RALB: variants seen among roughly 807,000 people sequenced by gnomAD.
The protein encoded by RALB is RAS like proto-oncogene B.
Under a neutral mutation model 21.3 loss-of-function variants are expected in RALB, and 16 were observed. The ratio of observed to expected loss-of-function variants is 0.75; its 90% CI spans 0.51 to 1.14. The LOEUF (loss-of-function observed/expected upper bound fraction) is 1.14, where lower values mean the gene tolerates loss of function less well. Ranked by LOEUF, RALB falls within the 50% of genes most tolerant of loss-of-function variation. The probability of loss-of-function intolerance (pLI) is 0.00; values close to 1 mark genes in which losing one functional copy is unlikely to be tolerated. For missense variants in RALB, 161 were observed against 256.2 expected (o/e 0.63, Z 2.54); for synonymous variants, 93 against 96.1 (o/e 0.97, Z 0.19).
chr2:120,274,059 C>T (rs878906173), intron 1 of RALB, among the ~76,000 whole-genome samples: 1 of 152,052 alleles, frequency 6.6e-6, no homozygotes, highest in Non-Finnish European at 1.5e-5. Flanking sequence ...TGCAAGGATC[C>T]CCCCCAACCT....
At chr2:120,252,373 C>T (rs867635568), upstream of RALB, among the ~76,000 whole-genome samples, 40 of 152,374 alleles carry the variant, frequency 2.6e-4, 3 homozygotes, top group South Asian at 6.4e-3. Flanking sequence ...GGTGGAGTCC[C>T]GCCCCAAGAC....
intron 3 of RALB, among the ~76,000 whole-genome samples, chr2:120,287,356 G>C (rs1690191963): frequency 6.6e-6 from 1 of 152,242 alleles, no homozygotes; most frequent in South Asian, 2.1e-4. Context: ...GTGTGGTGCA[G>C]TGACTAGTTA....
intron 1 of RALB, among the ~76,000 whole-genome samples, chr2:120,270,539 A>G (rs1346261848): frequency 6.6e-6 from 1 of 152,248 alleles, no homozygotes; most frequent in Non-Finnish European, 1.5e-5. Context: ...AGAACCCAAA[A>G]TAGGTCGTTT....
At chr2:120,268,697 C>A (rs2104610700) in intron 1 of RALB, among the ~76,000 whole-genome samples, 1 of 152,302 alleles carries the variant, frequency 6.6e-6, no homozygotes, top group East Asian at 1.9e-4. Context: ...AAGATCCACT[C>A]AGTGTTCAGA....
At chr2:120,284,591 G>C (rs1690078879) in intron 2 of RALB, among the ~76,000 whole-genome samples, 1 of 152,112 alleles carries the variant, frequency 6.6e-6, no homozygotes, top group African/African-American at 2.4e-5. Context: ...GTAGAGATGG[G>C]TTTTCACCAT....
intron 1 of RALB, among the ~76,000 whole-genome samples, chr2:120,241,823 A>G (rs1688900500): frequency 6.6e-6 from 1 of 152,238 alleles, no homozygotes. Flanking sequence ...GCGGGTGGGA[A>G]TGCGTAATGG....
intron 1 of RALB, among the ~76,000 whole-genome samples, chr2:120,255,567 C>T: frequency 6.6e-6 from 1 of 152,088 alleles, no homozygotes; most frequent in East Asian, 1.9e-4. Flanking sequence ...TTCCAAAAAG[C>T]AGAGGGGCCA....
At chr2:120,289,837 G>T in intron 4 of RALB, 80 bp downstream of exon 4, 1 of 1,353,242 alleles carries the variant, frequency 7.4e-7, no homozygotes, top group South Asian at 1.6e-5. Flanking sequence ...CTGGGTTTTA[G>T]GGAACCATTT....
At chr2:120,282,152 G>A (rs1690004775) in intron 2 of RALB, among the ~76,000 whole-genome samples, 1 of 152,174 alleles carries the variant, frequency 6.6e-6, no homozygotes, top group South Asian at 2.1e-4. Context: ...TGATTGAGAG[G>A]CCCTGGGTTG....
At chr2:120,265,736 ACT>A (rs998838581) in intron 1 of RALB, among the ~76,000 whole-genome samples, 7 of 152,006 alleles carry the variant, frequency 4.6e-5, no homozygotes, top group Non-Finnish European at 8.8e-5. Flanking sequence ...AATCATACAA[ACT>A]CTGTTTGAGT....
intron 4 of RALB, among the ~76,000 whole-genome samples, chr2:120,292,024 T>C (rs1263482593): frequency 6.6e-6 from 1 of 152,240 alleles, no homozygotes; most frequent in African/African-American, 2.4e-5. Flanking sequence ...AAATCTCAAA[T>C]GTCTCTTCGT....
At chr2:120,258,961 C>T (rs376976089) in intron 1 of RALB, among the ~76,000 whole-genome samples, 4 of 151,720 alleles carry the variant, frequency 2.6e-5, no homozygotes, top group African/African-American at 7.3e-5. Flanking sequence ...CTGGTGGGTT[C>T]GTGGTCTCGC....
chr2:120,280,976 G>C, intron 2 of RALB: 1 of 348,200 alleles, frequency 2.9e-6, no homozygotes, highest in South Asian at 2.1e-5. Flanking sequence ...AGTGCTGTTT[G>C]TATTAGTTTT....
At chr2:120,277,683 GA>G in intron 1 of RALB, among the ~76,000 whole-genome samples, 2 of 15,412 alleles carry the variant, frequency 1.3e-4, no homozygotes, top group Middle Eastern at 0.062. Flanking sequence ...AACGTGTTAT[GA>G]GTGAAAGTGT....
chr2:120,247,144 G>A (rs372427694), intron 1 of RALB, among the ~76,000 whole-genome samples: 48 of 152,296 alleles, frequency 3.2e-4, no homozygotes, highest in African/African-American at 1.1e-3. Context: ...CAGAGCATGC[G>A]TCTGCGGGAA....
chr2:120,282,333 C>T (rs1690008422), intron 2 of RALB, among the ~76,000 whole-genome samples: 1 of 152,010 alleles, frequency 6.6e-6, no homozygotes, highest in African/African-American at 2.4e-5. Flanking sequence ...ACAAAATTAG[C>T]CTGGTGTGGT....
chr2:120,294,324 G>GC lies in RALB; in HGVS notation c.*1066dup. 1 of 398,812 alleles carries GC rather than the reference G, an allele frequency of 2.5e-6. No individual in the cohort carries two copies. Among genetic ancestry groups the GC allele is most frequent in the Non-Finnish European group, 4.4e-6 (1 of 226,046 alleles). The allele number at this position is 398,812 out of a possible 1,614,324, so 24.7% of individuals were successfully genotyped here. A position where few individuals can be genotyped will look rare whatever the true frequency, so the allele number is the denominator to read the frequency against. Reference sequence around the variant, plus strand: ...TAAAATTAGAAGTAGAGAGAGATAAGCCATCGCCCCTTTGCCTCTGAGAAT... The same window carrying GC: ...TAAAATTAGAAGTAGAGAGAGATAAGCCCATCGCCCCTTTGCCTCTGAGAAT... On this transcript the variant is annotated 3_prime_UTR_variant, in exon 5 of 5. Transcript: ENST00000272519.
At chr2:120,252,130 TGGA>T (rs1208035007), upstream of RALB, among the ~76,000 whole-genome samples, 1 of 151,732 alleles carries the variant, frequency 6.6e-6, no homozygotes, top group Non-Finnish European at 1.5e-5. Context: ...ACAAAACCTG[TGGA>T]GGAGGAGGTG....
intron 1 of RALB, among the ~76,000 whole-genome samples, chr2:120,271,597 C>G (rs1229512107): frequency 6.6e-6 from 1 of 152,230 alleles, no homozygotes; most frequent in African/African-American, 2.4e-5. Context: ...TACCCAGGCA[C>G]TTCCCCATCC....
Sources: allele counts gnomAD v4.1 joint callset (sites outside exome capture counted in the v4.1 genomes callset), GRCh38; gene constraint gnomAD v4.1.1; transcripts MANE v1.5; gene names NCBI Gene and HGNC (gene_info 2026-07-23, HGNC 2026-07-21).